Variants in EXOC2 observed in about 807,000 individuals in gnomAD.
The protein encoded by EXOC2 is SEC5-like 1.
Under a neutral mutation model 131.8 loss-of-function variants are expected in EXOC2, and 70 were observed. The observed-to-expected ratio is 0.53, with a 90% CI of 0.44 to 0.65. EXOC2 has a LOEUF of 0.65. EXOC2 is among the 30% of genes least tolerant of loss of function. The pLI, the probability that EXOC2 is intolerant of heterozygous loss-of-function variation, is 0.00. For synonymous variants in EXOC2, 411 were observed against 398.4 expected (o/e 1.03, Z -0.38); for missense variants, 923 against 1,108.6 (o/e 0.83, Z 2.38).
rs138016298 is a variant in EXOC2, at chr6:532,650, G to C, written c.2239-40C>G. 1,436 of 1,395,128 alleles carry C rather than the reference G, an allele frequency of 1.0e-3. 16 individuals are homozygous for C. In the African/African-American group the frequency reaches 0.019, roughly 18 times the overall value. 86.4% of individuals were successfully genotyped at this position (1,395,128 alleles called of 1,614,324 possible). ...TGAAGAGTATGAGTTGCCTATTTGA[G>C]GGTGATGGAAAAAGTAAAATAATGT... On this transcript the variant is annotated intron_variant, in intron 22 of 27. Transcript: ENST00000230449.
chr6:572,791 C>T, intron 12 of EXOC2, 147 bp from the exon 13 acceptor site: 1 of 989,840 alleles, frequency 1.0e-6, no homozygotes, highest in Non-Finnish European at 1.5e-6. Context: ...CGCGGCCCAC[C>T]TGGCTGACAC....
intron 11 of EXOC2, among the ~76,000 whole-genome samples, chr6:587,247 TA>T (rs1316943270): frequency 1.4e-5 from 2 of 143,912 alleles, no homozygotes; most frequent in African/African-American, 5.4e-5. Flanking sequence ...TAGATATGTG[TA>T]TTTTTTTTTT....
At chr6:667,066 C>T (rs2059990225) in intron 1 of EXOC2, among the ~76,000 whole-genome samples, 1 of 96,532 alleles carries the variant, frequency 1.0e-5, no homozygotes, top group African/African-American at 3.1e-5. Context: ...GCTATAATCA[C>T]CGTAAGTTTT....
intron 3 of EXOC2, 41 bp downstream of exon 3, chr6:632,900 T>C: frequency 6.4e-7 from 1 of 1,557,430 alleles, no homozygotes; most frequent in Non-Finnish European, 8.7e-7. Context: ...ACAAACTCAT[T>C]TTTACTTTCT....
chr6:690,041 T>C (rs1290083243), intron 1 of EXOC2, among the ~76,000 whole-genome samples: 1 of 152,084 alleles, frequency 6.6e-6, no homozygotes, highest in Non-Finnish European at 1.5e-5. Context: ...AAGCCAAAAA[T>C]ACCTTTTGAC....
chr6:513,298 G>A (rs944138015), intron 23 of EXOC2, among the ~76,000 whole-genome samples: 3 of 152,230 alleles, frequency 2.0e-5, no homozygotes, highest in Non-Finnish European at 2.9e-5. Flanking sequence ...CACGGCCCAC[G>A]TGTCCACGAG....
At position 572,445 on chromosome 6, in the gene EXOC2, A is replaced by T. The variant is rs560211240; in HGVS notation, c.1443+75T>A. ...TTGGGCCTCTACATTTTAAAAAATCACTTAAATCTAACATTTTAAAGACCA... is the reference window on the plus strand; with the variant it reads ...TTGGGCCTCTACATTTTAAAAAATCTCTTAAATCTAACATTTTAAAGACCA... On this transcript the variant is annotated intron_variant, in intron 13 of 27. Transcript: ENST00000230449. 130 of 1,518,438 alleles carry T rather than the reference A, an allele frequency of 8.6e-5. No homozygotes were observed. The African/African-American group carries it at 1.5e-3, about 18-fold the overall frequency. 94.1% of individuals were successfully genotyped at this position (1,518,438 alleles called of 1,614,324 possible). A position where few individuals can be genotyped will look rare whatever the true frequency, so the allele number is the denominator to read the frequency against.
At position 494,764 on chromosome 6, in the gene EXOC2, A is replaced by G. The variant is rs1299227204; in HGVS notation, c.2559+2603T>C. ...CTCCTGGGATTCACTGTGCTGTATC[A>G]GTAATTTATTCTCTTTAATGTGGAA... On this transcript the variant is annotated intron_variant, in intron 25 of 27. Coordinates refer to ENST00000230449, the MANE Select transcript of EXOC2 (RefSeq NM_018303.6). Among the ~76,000 whole-genome samples, 3 of 152,230 alleles carry G rather than the reference A, an allele frequency of 2.0e-5. No homozygotes were observed. In the East Asian group the frequency reaches 5.8e-4, roughly 29 times the overall value.
At chr6:641,413 G>C (rs552326373) in intron 1 of EXOC2, among the ~76,000 whole-genome samples, 1 of 152,160 alleles carries the variant, frequency 6.6e-6, no homozygotes, top group African/African-American at 2.4e-5. Flanking sequence ...TATAGGCCAA[G>C]ATGACTCAAC....
At chr6:495,392 G>A (rs1460274552) in intron 25 of EXOC2, among the ~76,000 whole-genome samples, 7 of 151,902 alleles carry the variant, frequency 4.6e-5, no homozygotes, top group Admixed American at 4.6e-4. Context: ...CCAAAGTGCT[G>A]GGATTACAGG....
chr6:491,607 T>C lies in EXOC2; in HGVS notation c.2560-421A>G, dbSNP rs553221791. ...GGCTTGGCATGCTTCCTGACACCTA[T>C]GCCCTTGCAGGCACACTGCCTTAAT... On this transcript the variant is annotated intron_variant, in intron 25 of 27. Transcript: ENST00000230449. Among the ~76,000 whole-genome samples the C allele has an allele frequency of 1.4e-4, 21 of 152,400 alleles. 1 individual carries two copies. The South Asian group carries it at 4.3e-3, about 32-fold the overall frequency.
At chr6:580,674 G>T (rs1290799413) in intron 11 of EXOC2, among the ~76,000 whole-genome samples, 1 of 152,066 alleles carries the variant, frequency 6.6e-6, no homozygotes, top group East Asian at 1.9e-4. Context: ...GTTGGTATCA[G>T]GTTCTGTGGC....
intron 1 of EXOC2, among the ~76,000 whole-genome samples, chr6:658,579 A>C (rs140932696): frequency 1.3e-5 from 2 of 149,434 alleles, no homozygotes; most frequent in East Asian, 3.9e-4. Flanking sequence ...ACAAATTTTT[A>C]AATGAATGTA....
chr6:678,537 A>G (rs1764257336), intron 1 of EXOC2, among the ~76,000 whole-genome samples: 1 of 152,254 alleles, frequency 6.6e-6, no homozygotes, highest in Admixed American at 6.5e-5. Flanking sequence ...AATGGTCCTC[A>G]ATTGTTTTAG....
intron 7 of EXOC2, among the ~76,000 whole-genome samples, chr6:602,785 C>A (rs1034023646): frequency 1.3e-5 from 2 of 152,164 alleles, no homozygotes; most frequent in African/African-American, 4.8e-5. Flanking sequence ...GTAAACACAG[C>A]GTGGTTGCCA....
chr6:500,678 T>A (rs1030669980), intron 23 of EXOC2, among the ~76,000 whole-genome samples: 1 of 152,180 alleles, frequency 6.6e-6, no homozygotes, highest in Non-Finnish European at 1.5e-5. Flanking sequence ...AACAATTCCT[T>A]TCCCTTGAAG....
At chr6:648,238 A>G (rs1024621848) in intron 1 of EXOC2, among the ~76,000 whole-genome samples, 8 of 152,178 alleles carry the variant, frequency 5.3e-5, no homozygotes, top group Non-Finnish European at 1.2e-4. Context: ...TTAAAAACAT[A>G]CTACAAGATA....
intron 25 of EXOC2, among the ~76,000 whole-genome samples, chr6:495,402 G>A (rs1382808453): frequency 1.3e-5 from 2 of 151,936 alleles, no homozygotes; most frequent in African/African-American, 4.8e-5. Context: ...GGGATTACAG[G>A]TGTGAGCCAC....
chr6:638,691 C>G (rs1213054), intron 1 of EXOC2, among the ~76,000 whole-genome samples: 145,046 of 152,344 alleles, frequency 0.95, 69,150 homozygotes, highest in East Asian at 1. Context: ...CCAGCACTGT[C>G]GGAGGCCGAG....
Sources: gnomAD v4.1 joint callset for allele counts (sites outside exome capture counted in the v4.1 genomes callset) on GRCh38, gnomAD v4.1.1 for gene constraint, MANE v1.5 for transcripts, NCBI Gene and HGNC (gene_info 2026-07-23, HGNC 2026-07-21) for gene names.